The following TTC7B variants were observed in gnomAD, a reference collection of about 807,000 sequenced individuals.
TTC7B encodes the protein tetratricopeptide repeat protein 7B.
In TTC7B, 28 loss-of-function variants were observed where a neutral mutation model predicts 106.8. The observed-to-expected ratio is 0.26, with a 90% CI of 0.19 to 0.36. The LOEUF (loss-of-function observed/expected upper bound fraction) is 0.36. Among genes scored for constraint, TTC7B ranks in the 10% least tolerant of loss-of-function variants. The pLI is 1.00. For missense variants in TTC7B, 862 were observed against 1,076.4 expected, an observed-to-expected ratio of 0.80 and a Z score of 2.79; for synonymous variants, 405 against 430.6, an observed-to-expected ratio of 0.94 and a Z score of 0.74.
chr14:90,783,754 T>A (rs1891293133), intron 2 of TTC7B, among the ~76,000 whole-genome samples: 1 of 151,950 alleles, frequency 6.6e-6, no homozygotes, highest in South Asian at 2.1e-4. Flanking sequence ...CTGGCCAACA[T>A]GGTAAAACCA....
rs71461920 is a variant in TTC7B at position 90,710,056 on chromosome 14, G to GAAA, written c.699-14481_699-14479dup. Among the ~76,000 whole-genome samples, 15 of 119,394 alleles carry GAAA rather than the reference G, an allele frequency of 1.3e-4. 1 individual carries two copies. The highest frequency in any genetic ancestry group is 2.8e-4 in the South Asian group (1 of 3,522). 78.3% of individuals were successfully genotyped at this position (119,394 alleles called of 152,430 possible). ...ATATTTTGGATAAACTTTTCTACTT[G>GAAA]AAAAAAAAAAAAAAAGAAAACCTCT... On this transcript the variant is annotated intron_variant, in intron 5 of 19. Coordinates refer to ENST00000328459, the MANE Select transcript of TTC7B (RefSeq NM_001010854.2).
chr14:90,580,473 C>T (rs1271124056), intron 18 of TTC7B, among the ~76,000 whole-genome samples: 1 of 152,222 alleles, frequency 6.6e-6, no homozygotes, highest in Non-Finnish European at 1.5e-5. Flanking sequence ...GGAGCCTGTG[C>T]TTGCAGCCCC....
Position 90,805,485 on chromosome 14 carries a change from C to T in TTC7B, c.121+10690G>A, listed in dbSNP as rs540106886. On this transcript the variant is annotated intron_variant, in intron 1 of 19. Coordinates refer to ENST00000328459, the MANE Select transcript of TTC7B (RefSeq NM_001010854.2). This position sits in a 1 kb window ranked among gnomAD's most constrained non-coding sequence, Gnocchi z 4.0. ...TTCACCATGTTGGCCGGGCTGGTCT[C>T]GAAATCCTCACCTCAGGGGATCTAC... 2.6e-4 allele frequency among the ~76,000 whole-genome samples: 39 copies of T among 152,288 alleles called. No individual in the cohort carries two copies. Among genetic ancestry groups the T allele is most frequent in the African/African-American group, 8.9e-4 (37 of 41,568 alleles).
intron 17 of TTC7B, chr14:90,594,000 A>T (rs191181624): frequency 3.1e-5 from 5 of 160,454 alleles, no homozygotes; most frequent in Non-Finnish European, 6.8e-5. Flanking sequence ...TAGAAACTTA[A>T]TCAGGGTGGG....
chr14:90,553,248 C>A (rs985917487), intron 19 of TTC7B, among the ~76,000 whole-genome samples: 9 of 152,228 alleles, frequency 5.9e-5, no homozygotes, highest in Non-Finnish European at 1.3e-4. Flanking sequence ...TATCATGGGG[C>A]CCCTTTTCCA....
At chr14:90,586,751 G>A (rs998440318) in intron 18 of TTC7B, among the ~76,000 whole-genome samples, 16 of 152,094 alleles carry the variant, frequency 1.1e-4, no homozygotes, top group South Asian at 4.2e-4. Context: ...ACATCCAGCC[G>A]CCTGCCTGGC....
chr14:90,590,844 G>A (rs181704273), intron 18 of TTC7B, among the ~76,000 whole-genome samples: 151 of 152,214 alleles, frequency 9.9e-4, no homozygotes, highest in Middle Eastern at 6.8e-3. Flanking sequence ...TCATTCATTC[G>A]TCCTACACAC....
intron 13 of TTC7B, chr14:90,647,298 C>T (rs2277511): frequency 0.37 from 146,158 of 391,874 alleles, 28,216 homozygotes; most frequent in South Asian, 0.48. Context: ...CGGAGGGCCT[C>T]GAGGTGAAGA....
chr14:90,699,489 A>G (rs1887899267), intron 5 of TTC7B: 4 of 324,662 alleles, frequency 1.2e-5, no homozygotes, highest in South Asian at 9.5e-5. Context: ...CCTAGGCACC[A>G]ATACACTTAA....
At chr14:90,598,147 C>T (rs1189563729) in intron 17 of TTC7B, among the ~76,000 whole-genome samples, 1 of 152,184 alleles carries the variant, frequency 6.6e-6, no homozygotes, top group African/African-American at 2.4e-5. Context: ...CGCCTCTCCC[C>T]GCAGTCACAG....
intron 12 of TTC7B, among the ~76,000 whole-genome samples, chr14:90,653,588 C>G (rs944063555): frequency 6.6e-6 from 1 of 152,174 alleles, no homozygotes; most frequent in Non-Finnish European, 1.5e-5. Flanking sequence ...GAAAAAGGTA[C>G]TTTTTACTAG....
At chr14:90,597,691 A>G (rs1359150653) in intron 17 of TTC7B, among the ~76,000 whole-genome samples, 1 of 151,916 alleles carries the variant, frequency 6.6e-6, no homozygotes, top group Non-Finnish European at 1.5e-5. Context: ...AACAAAAAAA[A>G]CCCTGTACTG....
chr14:90,554,283 G>A (rs970725692), intron 19 of TTC7B, among the ~76,000 whole-genome samples: 9 of 152,214 alleles, frequency 5.9e-5, no homozygotes, highest in Non-Finnish European at 1.3e-4. Context: ...GAGGGTGGTC[G>A]GGGTTGCAGT....
chr14:90,699,784 T>A (rs1045816885), intron 5 of TTC7B, among the ~76,000 whole-genome samples: 1 of 152,146 alleles, frequency 6.6e-6, no homozygotes, highest in African/African-American at 2.4e-5. Flanking sequence ...GACTGAGCAA[T>A]GTTTCTCAGC....
At chr14:90,585,599 G>T (rs34003151) in intron 18 of TTC7B, 254 of 152,376 alleles carry the variant, frequency 1.7e-3, no homozygotes, top group Non-Finnish European at 2.9e-3. Context: ...TTTGGATGCC[G>T]AGGGCCTCAT....
intron 1 of TTC7B, among the ~76,000 whole-genome samples, chr14:90,803,119 G>C (rs1054748441): frequency 6.6e-6 from 1 of 151,770 alleles, no homozygotes; most frequent in Non-Finnish European, 1.5e-5. Flanking sequence ...CTCCAGCCTG[G>C]GTGACAGAGC....
chr14:90,621,675 C>G (rs1393101297), intron 15 of TTC7B, among the ~76,000 whole-genome samples: 1 of 152,220 alleles, frequency 6.6e-6, no homozygotes, highest in East Asian at 1.9e-4. Flanking sequence ...AACACCTGCC[C>G]TGCCCGTCGC....
At chr14:90,797,610 G>T (rs1045836903) in intron 1 of TTC7B, among the ~76,000 whole-genome samples, 1 of 152,012 alleles carries the variant, frequency 6.6e-6, no homozygotes, top group African/African-American at 2.4e-5. Context: ...TGTCATGCTG[G>T]TGGGGGTATA....
chr14:90,611,534 T>C (rs541424980), intron 16 of TTC7B, among the ~76,000 whole-genome samples: 1 of 152,268 alleles, frequency 6.6e-6, no homozygotes, highest in East Asian at 1.9e-4. Context: ...ACGAGCCCTG[T>C]CTAGTGTTCC....
Sources: gnomAD v4.1 joint callset for allele counts (sites outside exome capture counted in the v4.1 genomes callset) on GRCh38, gnomAD v4.1.1 for gene constraint, Gnocchi (gnomAD v3.1) non-coding constraint, MANE v1.5 for transcripts, NCBI Gene and HGNC (gene_info 2026-07-23, HGNC 2026-07-21) for gene names.